The following TRPM7 variants were observed in gnomAD, a reference collection of about 807,000 sequenced individuals.
TRPM7 encodes transient receptor potential cation channel subfamily M member 7, also known as LTRPC ion channel family member 7.
Under a neutral mutation model 229.7 loss-of-function variants are expected in TRPM7, and 134 were observed. The ratio of observed to expected loss-of-function variants is 0.58; its 90% CI spans 0.51 to 0.67. TRPM7 has a LOEUF of 0.67. TRPM7 is among the 30% of genes least tolerant of loss of function. The pLI is 0.00. For missense variants in TRPM7, 1,901 were observed against 2,210.0 expected, an observed-to-expected ratio of 0.86 and a Z score of 2.80; for synonymous variants, 699 against 715.2, an observed-to-expected ratio of 0.98 and a Z score of 0.36.
Position 50,592,389 on chromosome 15 carries a change from A to C in TRPM7, c.3846T>G (p.Gly1282=), listed in dbSNP as rs142056500. 8.3e-4 allele frequency: 1,337 copies of C among 1,614,170 alleles called. 14 individuals carry two copies. The African/African-American group carries it at 0.016, about 19-fold the overall frequency. The change falls in exon 26 of 39, where the codon GGT becomes GGG. Residue 1282 remains glycine, a synonymous_variant. Coordinates refer to ENST00000646667, the MANE Select transcript of TRPM7 (RefSeq NM_017672.6). ...TTTTCCATACAGAAGGTCTTACAGG[A>C]CCATCATCAATAAGGTTTTGAGCCA... ...KHLAQNLIDD[G]PVRPSVWKKH...
Position 50,586,547 on chromosome 15 carries a change from A to C in TRPM7, c.4390-59T>G, listed in dbSNP as rs2059348714. ...TAATTGAACTAAATTTCAACCCATTACTCTAAGTAGTATTAGAGTCCCTTG... is the reference window on the plus strand; with the variant it reads ...TAATTGAACTAAATTTCAACCCATTCCTCTAAGTAGTATTAGAGTCCCTTG... On this transcript the variant is annotated intron_variant, in intron 27 of 38. Transcript: ENST00000646667. 4 of 1,127,022 alleles carry C rather than the reference A, an allele frequency of 3.5e-6. No homozygotes were observed. In the Admixed American group the frequency reaches 7.8e-5, roughly 22 times the overall value. The allele number at this position is 1,127,022 out of a possible 1,614,324, so 69.8% of individuals were successfully genotyped here. A position where few individuals can be genotyped will look rare whatever the true frequency, so the allele number is the denominator to read the frequency against.
chr15:50,682,477 G>T (rs1280928591), intron 1 of TRPM7, among the ~76,000 whole-genome samples: 1 of 151,830 alleles, frequency 6.6e-6, no homozygotes, highest in Non-Finnish European at 1.5e-5. Flanking sequence ...ACTAGAGGCT[G>T]AGGCAGGAGA....
intron 8 of TRPM7, 30 bp from the exon 9 acceptor site, chr15:50,633,022 T>C: frequency 6.4e-7 from 1 of 1,564,438 alleles, no homozygotes; most frequent in East Asian, 2.3e-5. Flanking sequence ...AATTCACTGA[T>C]TTCATCTTCC....
chr15:50,666,311 G>A (rs536651692), intron 1 of TRPM7, among the ~76,000 whole-genome samples: 1 of 151,838 alleles, frequency 6.6e-6, no homozygotes, highest in African/African-American at 2.4e-5. Context: ...GTGATGGCAC[G>A]TGCCTGTAGA....
chr15:50,562,922 T>A (rs1036968615), intron 38 of TRPM7, among the ~76,000 whole-genome samples: 9 of 152,066 alleles, frequency 5.9e-5, no homozygotes, highest in African/African-American at 2.2e-4. Context: ...TATTGAGAAG[T>A]GAACTATCAA....
chr15:50,559,587 TTATTATTAAATAAACG>T lies in TRPM7; in HGVS notation c.*2075_*2090del, dbSNP rs2053234504. 1 of 152,294 alleles carries T rather than the reference TTATTATTAAATAAACG, an allele frequency of 6.6e-6. No individual in the cohort carries two copies. Among genetic ancestry groups the T allele is most frequent in the East Asian group, 1.9e-4 (1 of 5,188 alleles). The allele number at this position is 152,294 out of a possible 1,614,324, so 9.4% of individuals were successfully genotyped here. A position where few individuals can be genotyped will look rare whatever the true frequency, so the allele number is the denominator to read the frequency against. On this transcript the variant is annotated 3_prime_UTR_variant, in exon 39 of 39. Transcript: ENST00000646667. ...TGGGTTCAAATCCTACCGTTGCTAC[TTATTATTAAATAAACG>T]TAAGAATCTTATGGACGTTACTTTA...
chr15:50,622,490 T>G (rs958402038), intron 12 of TRPM7, among the ~76,000 whole-genome samples: 1 of 152,240 alleles, frequency 6.6e-6, no homozygotes, highest in African/African-American at 2.4e-5. Context: ...GGTATAAACC[T>G]TACTACAGCA....
chr15:50,610,997 C>T (rs777074613), intron 17 of TRPM7, 96 bp downstream of exon 17: 1 of 949,918 alleles, frequency 1.1e-6, no homozygotes, highest in Non-Finnish European at 1.6e-6. Flanking sequence ...CACCATTACA[C>T]TCACACATCA....
chr15:50,637,327 AAG>A (rs2060939404), intron 7 of TRPM7, 93 bp downstream of exon 7: 1 of 1,150,306 alleles, frequency 8.7e-7, no homozygotes, highest in Admixed American at 2.3e-5. Flanking sequence ...CTATGTAAGA[AAG>A]AGCACTTCAA....
chr15:50,563,931 C>T (rs944219445), intron 38 of TRPM7, among the ~76,000 whole-genome samples: 1 of 152,088 alleles, frequency 6.6e-6, no homozygotes, highest in South Asian at 2.1e-4. Flanking sequence ...ACGATCTCGG[C>T]TCACTGAAAC....
Position 50,645,287 on chromosome 15 carries a change from C to T in TRPM7, c.322-1734G>A, listed in dbSNP as rs551064293. On this transcript the variant is annotated intron_variant, in intron 4 of 38. Coordinates refer to ENST00000646667, the MANE Select transcript of TRPM7 (RefSeq NM_017672.6). ...GAACTCCCGGGCTCAAGTGATCTGCCTGCCTCGGCCTCCCAAAGTGCTGGG... is the reference window on the plus strand; with the variant it reads ...GAACTCCCGGGCTCAAGTGATCTGCTTGCCTCGGCCTCCCAAAGTGCTGGG... 6.6e-5 allele frequency among the ~76,000 whole-genome samples: 10 copies of T among 152,312 alleles called. No homozygotes were observed. The East Asian group carries it at 1.9e-3, about 29-fold the overall frequency.
At chr15:50,596,566 T>A (rs1401444694) in intron 22 of TRPM7, among the ~76,000 whole-genome samples, 185 bp from the exon 23 acceptor site, 1 of 151,990 alleles carries the variant, frequency 6.6e-6, no homozygotes, top group Non-Finnish European at 1.5e-5. Flanking sequence ...AGCTTAAGAG[T>A]GTTCAAACAC....
intron 28 of TRPM7, among the ~76,000 whole-genome samples, chr15:50,585,229 T>G (rs1414606843): frequency 1.3e-5 from 2 of 152,028 alleles, no homozygotes; most frequent in South Asian, 2.1e-4. Flanking sequence ...GCCCGGCTAA[T>G]TTTTTGTATT....
intron 7 of TRPM7, among the ~76,000 whole-genome samples, chr15:50,636,188 CT>C (rs535332848): frequency 1.8e-3 from 240 of 136,392 alleles, no homozygotes; most frequent in Admixed American, 3.0e-3. Flanking sequence ...CAATTCTTAA[CT>C]TTTTTTTTTT....
rs557342550 is a variant in TRPM7 at position 50,631,421 on chromosome 15, T to C, written c.1200A>G (p.Leu400=). ...DIDVAILTAL[L]KGTNASAFDQ... is the part of the protein sequence containing the mutation. ...AAAAAGTTCTTAGAGGCTTACCTTT[T>C]AGCAGTGCAGTAAGTATTGCTACAT... The change falls in exon 10 of 39, where the codon CTA becomes CTG. Residue 400 remains leucine (L), a synonymous_variant. Transcript: ENST00000646667. The C allele has an allele frequency of 2.0e-5, 32 of 1,603,830 alleles. No homozygotes were observed. In the South Asian group the frequency reaches 3.3e-4, roughly 17 times the overall value.
chr15:50,658,942 T>C (rs1211424820), intron 2 of TRPM7, among the ~76,000 whole-genome samples: 1 of 152,212 alleles, frequency 6.6e-6, no homozygotes, highest in Non-Finnish European at 1.5e-5. Flanking sequence ...CTCACGCCTG[T>C]AATGCCAGCA....
chr15:50,564,052 G>T (rs2053451624), intron 38 of TRPM7, among the ~76,000 whole-genome samples: 1 of 151,718 alleles, frequency 6.6e-6, no homozygotes, highest in Admixed American at 6.6e-5. Flanking sequence ...GTAGAGACTG[G>T]TTTTTGCCAT....
chr15:50,666,572 G>C (rs1455241300), intron 1 of TRPM7, among the ~76,000 whole-genome samples: 2 of 152,174 alleles, frequency 1.3e-5, no homozygotes, highest in African/African-American at 4.8e-5. Context: ...GGGAGGCTGA[G>C]GCGGGCAGAT....
intron 15 of TRPM7, among the ~76,000 whole-genome samples, chr15:50,613,231 C>T (rs1037380736): frequency 4.6e-5 from 7 of 152,042 alleles, no homozygotes; most frequent in Non-Finnish European, 8.8e-5. Flanking sequence ...ACGCTGGGCG[C>T]GGTGGCCCAC....
Sources: gnomAD v4.1 joint callset for allele counts (sites outside exome capture counted in the v4.1 genomes callset) on GRCh38, gnomAD v4.1.1 for gene constraint, MANE v1.5 for transcripts, NCBI Gene and HGNC (gene_info 2026-07-23, HGNC 2026-07-21) for gene names.